SEMA3E: variants seen among roughly 807,000 people sequenced by gnomAD.
SEMA3E encodes the protein semaphorin 3E.
Under a neutral mutation model 93.6 loss-of-function variants are expected in SEMA3E, and 49 were observed. That is an observed-to-expected ratio of 0.52 (90% CI 0.42 to 0.66). SEMA3E has a LOEUF of 0.66. SEMA3E is among the 30% of genes least tolerant of loss of function. SEMA3E has a pLI of 0.00. For synonymous variants in SEMA3E, 363 were observed against 330.7 expected, an observed-to-expected ratio of 1.10 and a Z score of -1.06; for missense variants, 906 against 964.8, an observed-to-expected ratio of 0.94 and a Z score of 0.81.
intron 1 of SEMA3E, among the ~76,000 whole-genome samples, chr7:83,550,017 AT>A (rs1335493210): frequency 6.6e-6 from 1 of 152,030 alleles, no homozygotes; most frequent in Non-Finnish European, 1.5e-5. Flanking sequence ...TTAGTCCATA[AT>A]TTTTGCAATG....
chr7:83,388,678 C>A (rs1787932779), intron 14 of SEMA3E, among the ~76,000 whole-genome samples: 1 of 151,970 alleles, frequency 6.6e-6, no homozygotes, highest in African/African-American at 2.4e-5. Context: ...GAAAAGTGAA[C>A]CAGATTCAAT....
At chr7:83,633,112 C>T (rs981744532) in intron 1 of SEMA3E, among the ~76,000 whole-genome samples, 4 of 151,838 alleles carry the variant, frequency 2.6e-5, no homozygotes, top group Non-Finnish European at 4.4e-5. Context: ...ATTTTAATTC[C>T]CTAATTCCAG....
chr7:83,453,890 C>T (rs1584258463), intron 4 of SEMA3E, among the ~76,000 whole-genome samples: 1 of 151,914 alleles, frequency 6.6e-6, no homozygotes, highest in East Asian at 1.9e-4. Context: ...ATTAAATTGG[C>T]TATTACCCAC....
intron 1 of SEMA3E, among the ~76,000 whole-genome samples, chr7:83,534,994 C>T (rs1791384862): frequency 6.6e-6 from 1 of 152,108 alleles, no homozygotes; most frequent in African/African-American, 2.4e-5. Context: ...AACGGTCTCC[C>T]ACTGTGTTCT....
At chr7:83,535,010 C>T (rs1791385186) in intron 1 of SEMA3E, among the ~76,000 whole-genome samples, 1 of 152,118 alleles carries the variant, frequency 6.6e-6, no homozygotes, top group Admixed American at 6.6e-5. Flanking sequence ...GTTCTGAAAC[C>T]CTGAAAATGG....
chr7:83,367,481 C>A lies in SEMA3E; in HGVS notation c.*105G>T. 8.7e-7 allele frequency: 1 copy of A among 1,154,084 alleles called. No homozygotes were observed. Among genetic ancestry groups the A allele is most frequent in the Non-Finnish European group, 1.3e-6 (1 of 764,420 alleles). 71.5% of individuals were successfully genotyped at this position (1,154,084 alleles called of 1,614,324 possible). ...CACCTTCATAGTCATTCCTGTATTA[C>A]AGAAATCTCTTTTAAGTAATGCAAA... On this transcript the variant is annotated 3_prime_UTR_variant, in exon 17 of 17. Transcript: ENST00000643230.
At chr7:83,441,758 TAC>T (rs1789119106) in intron 4 of SEMA3E, among the ~76,000 whole-genome samples, 1 of 146,234 alleles carries the variant, frequency 6.8e-6, no homozygotes, top group Admixed American at 6.8e-5. Flanking sequence ...CAGGTATGGA[TAC>T]ACACACATAT....
intron 1 of SEMA3E, among the ~76,000 whole-genome samples, chr7:83,637,573 T>C (rs1429475966): frequency 6.6e-6 from 1 of 152,080 alleles, no homozygotes; most frequent in Non-Finnish European, 1.5e-5. Flanking sequence ...TCCCCCATGC[T>C]CTTCTTCTGA....
rs369319315 is a variant in SEMA3E at position 83,538,557 on chromosome 7, A to T, written c.116-48283T>A. Among the ~76,000 whole-genome samples, 9 of 152,246 alleles carry T rather than the reference A, an allele frequency of 5.9e-5. 1 individual carries two copies. The highest frequency in any genetic ancestry group is 6.5e-5 in the Admixed American group (1 of 15,286). On this transcript the variant is annotated intron_variant, in intron 1 of 16. Transcript: ENST00000643230. ...CAACCTCCAGTAGGCATATGCACAC[A>T]TCCCCTTCTCCCAATATACTGAAAT...
chr7:83,487,034 G>C (rs911623543), intron 2 of SEMA3E, among the ~76,000 whole-genome samples: 2 of 152,176 alleles, frequency 1.3e-5, no homozygotes, highest in Non-Finnish European at 1.5e-5. Context: ...AGTTCATAAA[G>C]CCTCATCACT....
chr7:83,367,706 A>G lies in SEMA3E; in HGVS notation c.2208T>C (p.Asp736=), dbSNP rs200621696. ...ACATTTTAAGCTTTTTCCTCTTTCT[A>G]TCTGTGCACCATACTTTCTCGCAGT... ...EEYCEKVWCT[D]RKRKKLKMSP... The change falls in exon 17 of 17, where the codon GAT becomes GAC. Residue 736 remains aspartate, a synonymous_variant. Coordinates refer to ENST00000643230, the MANE Select transcript of SEMA3E (RefSeq NM_012431.3). 31 of 1,613,854 alleles carry G rather than the reference A, an allele frequency of 1.9e-5. No homozygotes were observed. Among genetic ancestry groups the G allele is most frequent in the Admixed American group, 5.0e-5 (3 of 59,976 alleles).
chr7:83,469,267 T>A lies in SEMA3E; in HGVS notation c.312A>T (p.Glu104Asp). The change falls in exon 3 of 17, where the codon GAA (glutamate) becomes GAT (aspartate). Residue 104 changes from glutamate to aspartate, a missense_variant. By Grantham distance (45) the Glu-to-Asp change is conservative. Transcript: ENST00000643230. ...CCGCATCTTTTCCCTTCATTATGCA[T>A]TCTTCCATTTTTAGAGCTGTACTCG... is the stretch of plus-strand genomic sequence containing the variant. The part of the protein sequence containing the change: ...HWPSTALKME[E>D]CIMKGKDAGE... 1 of 1,611,196 alleles carries A rather than the reference T, an allele frequency of 6.2e-7. No homozygotes were observed. Among genetic ancestry groups the A allele is most frequent in the Non-Finnish European group, 8.5e-7 (1 of 1,177,874 alleles).
intron 1 of SEMA3E, among the ~76,000 whole-genome samples, chr7:83,612,135 T>A (rs1475838111): frequency 6.6e-6 from 1 of 152,120 alleles, no homozygotes; most frequent in African/African-American, 2.4e-5. Context: ...TCCTTGATCA[T>A]CCTATGTAAA....
At chr7:83,552,002 T>C (rs776596648) in intron 1 of SEMA3E, among the ~76,000 whole-genome samples, 23 of 152,196 alleles carry the variant, frequency 1.5e-4, no homozygotes, top group Non-Finnish European at 2.9e-4. Context: ...AATGTCTTTG[T>C]ATTATACATG....
rs192287454 is a variant in SEMA3E at position 83,622,692 on chromosome 7, G to A, written c.115+25736C>T. Reference sequence around the variant, plus strand: ...CATGTCCTTTGCAGGGACATGGATGGAGCTGGAAGCCATTATCCTCGGCAA... The same window carrying A: ...CATGTCCTTTGCAGGGACATGGATGAAGCTGGAAGCCATTATCCTCGGCAA... On this transcript the variant is annotated intron_variant, in intron 1 of 16. Transcript: ENST00000643230. 1.7e-3 allele frequency among the ~76,000 whole-genome samples: 253 copies of A among 152,262 alleles called. 1 individual carries two copies. The highest frequency in any genetic ancestry group is 5.9e-3 in the African/African-American group (244 of 41,574).
chr7:83,416,096 G>T (rs540055940), intron 5 of SEMA3E, among the ~76,000 whole-genome samples: 4 of 152,136 alleles, frequency 2.6e-5, no homozygotes, highest in African/African-American at 9.6e-5. Flanking sequence ...GCTCACATAG[G>T]TTATCAGGTT....
At position 83,562,182 on chromosome 7, in the gene SEMA3E, C is replaced by T. The variant is rs187907729; in HGVS notation, c.116-71908G>A. ...ATCTAAAAGCACAGAGTTTTCTTAA[C>T]CTTAATTTAAAATGGAAAACTTTAC... On this transcript the variant is annotated intron_variant, in intron 1 of 16. Transcript: ENST00000643230. Among the ~76,000 whole-genome samples the T allele has an allele frequency of 1.2e-3, 175 of 152,080 alleles. 1 individual carries two copies. In the South Asian group the frequency reaches 0.012, roughly 11 times the overall value.
chr7:83,539,173 T>C (rs1791466998), intron 1 of SEMA3E, among the ~76,000 whole-genome samples: 1 of 152,168 alleles, frequency 6.6e-6, no homozygotes, highest in South Asian at 2.1e-4. Context: ...AATCCTTTTA[T>C]GTTAGATAAA....
intron 4 of SEMA3E, among the ~76,000 whole-genome samples, chr7:83,434,220 T>C (rs1020335454): frequency 1.3e-5 from 2 of 152,068 alleles, no homozygotes; most frequent in African/African-American, 4.8e-5. Context: ...TTGTTTCATA[T>C]ATTGCTCTTA....
Sources: allele counts gnomAD v4.1 joint callset (sites outside exome capture counted in the v4.1 genomes callset), GRCh38; gene constraint gnomAD v4.1.1; transcripts MANE v1.5; gene names NCBI Gene and HGNC (gene_info 2026-07-23, HGNC 2026-07-21).